The following MGAT4D variants were observed in gnomAD, a reference collection of about 807,000 sequenced individuals.
The protein encoded by MGAT4D is MGAT4 family member D, also known as alpha-1,3-mannosyl-glycoprotein 4-beta-N-acetylglucosaminyltransferase-like protein MGAT4D.
A neutral mutation model predicts 15.9 loss-of-function variants in MGAT4D; 34 were observed. The ratio of observed to expected loss-of-function variants is 2.14; its 90% CI spans 1.62 to 2.84. MGAT4D has a LOEUF of 2.84. Ranked by LOEUF, MGAT4D falls within the 30% of genes most tolerant of loss-of-function variation. The probability of loss-of-function intolerance (pLI) is 0.00; values close to 1 mark genes in which losing one functional copy is unlikely to be tolerated. For missense variants in MGAT4D, 327 were observed against 140.2 expected (o/e 2.33, Z -6.73); for synonymous variants, 112 against 48.2 (o/e 2.33, Z -5.49).
chr4:140,459,629 G>T lies in MGAT4D; in HGVS notation c.763-3C>A. 1 of 396,386 alleles carries T rather than the reference G, an allele frequency of 2.5e-6. No individual in the cohort carries two copies. Among genetic ancestry groups the T allele is most frequent in the Non-Finnish European group, 4.5e-6 (1 of 222,176 alleles). The allele number at this position is 396,386 out of a possible 1,614,324, so 24.6% of individuals were successfully genotyped here. On this transcript the variant is annotated splice_region_variant and splice_polypyrimidine_tract_variant and intron_variant, in intron 7 of 10. Coordinates refer to ENST00000511113, the MANE Select transcript of MGAT4D (RefSeq NM_001277353.2). ...TTAGCTATGATATCATCTTCTAGCTGAAAAAAAAAACCCAAAAAGACATTA... is the reference window on the plus strand; with the variant it reads ...TTAGCTATGATATCATCTTCTAGCTTAAAAAAAAAACCCAAAAAGACATTA...
At chr4:140,487,074 A>C (rs915176554) in intron 1 of MGAT4D, among the ~76,000 whole-genome samples, 2 of 152,228 alleles carry the variant, frequency 1.3e-5, no homozygotes, top group Non-Finnish European at 2.9e-5. Context: ...TTACAGCAAC[A>C]ATCATAAAGA....
intron 1 of MGAT4D, among the ~76,000 whole-genome samples, chr4:140,486,714 C>T (rs1276039778): frequency 2.0e-5 from 3 of 151,982 alleles, no homozygotes; most frequent in African/African-American, 7.3e-5. Flanking sequence ...AATATATGCT[C>T]GATGAATAAA....
At chr4:140,451,604 G>C in intron 9 of MGAT4D, 87 bp from the exon 10 acceptor site, 1 of 399,462 alleles carries the variant, frequency 2.5e-6, no homozygotes, top group East Asian at 3.7e-5. Context: ...TTATATATTA[G>C]TTTTTGCTAG....
rs148804226 is a variant in MGAT4D, at chr4:140,460,693, C to T, written c.763-1067G>A. 2.3e-3 allele frequency among the ~76,000 whole-genome samples: 344 copies of T among 152,212 alleles called. 3 individuals carry two copies. The highest frequency in any genetic ancestry group is 0.01 in the Middle Eastern group (3 of 294). The stretch of plus-strand genomic sequence containing the variant: ...TATATAAAAACTACAAAAAATTAGT[C>T]GGGTGTTGTGGTGTGCACCTGTAGT... On this transcript the variant is annotated intron_variant, in intron 7 of 10. Coordinates refer to ENST00000511113, the MANE Select transcript of MGAT4D (RefSeq NM_001277353.2).
chr4:140,455,495 G>T (rs940098709), intron 9 of MGAT4D, among the ~76,000 whole-genome samples: 1 of 152,124 alleles, frequency 6.6e-6, no homozygotes, highest in African/African-American at 2.4e-5. Flanking sequence ...TGGCTATTTT[G>T]GTGAATGTTG....
At chr4:140,482,884 G>A (rs1393283276) in intron 1 of MGAT4D, among the ~76,000 whole-genome samples, 2 of 151,944 alleles carry the variant, frequency 1.3e-5, no homozygotes, top group Non-Finnish European at 2.9e-5. Flanking sequence ...AAAATTATGA[G>A]GAATATGTAC....
chr4:140,496,362 G>A (rs1323099092), intron 1 of MGAT4D, among the ~76,000 whole-genome samples: 7 of 152,186 alleles, frequency 4.6e-5, no homozygotes, highest in Admixed American at 4.6e-4. Context: ...CTCAAGAACA[G>A]TATCTTGCTT....
chr4:140,477,960 G>T (rs974203015), intron 3 of MGAT4D, among the ~76,000 whole-genome samples: 26 of 152,286 alleles, frequency 1.7e-4, no homozygotes, highest in African/African-American at 5.8e-4. Context: ...AGATCTATTA[G>T]AATACAGAAT....
At chr4:140,472,500 T>G (rs1732033116) in intron 4 of MGAT4D, among the ~76,000 whole-genome samples, 1 of 150,290 alleles carries the variant, frequency 6.7e-6, no homozygotes, top group Non-Finnish European at 1.5e-5. Flanking sequence ...GTTCTGTTGT[T>G]GAATCTGAGT....
At chr4:140,484,099 C>G (rs955211633) in intron 1 of MGAT4D, among the ~76,000 whole-genome samples, 4 of 151,798 alleles carry the variant, frequency 2.6e-5, no homozygotes, top group Non-Finnish European at 4.4e-5. Flanking sequence ...TATTTCAACC[C>G]AAGAGACAAT....
intron 3 of MGAT4D, among the ~76,000 whole-genome samples, chr4:140,476,759 C>T (rs965213437): frequency 1.3e-5 from 2 of 152,072 alleles, no homozygotes; most frequent in Non-Finnish European, 2.9e-5. Flanking sequence ...TTTGATAATT[C>T]TACTTATTTC....
At chr4:140,490,491 C>T (rs1017766201) in intron 1 of MGAT4D, among the ~76,000 whole-genome samples, 3 of 152,180 alleles carry the variant, frequency 2.0e-5, no homozygotes, top group Non-Finnish European at 4.4e-5. Flanking sequence ...TTTGCCTCAA[C>T]ATACCTTACC....
intron 3 of MGAT4D, among the ~76,000 whole-genome samples, chr4:140,478,401 T>C (rs1732479491): frequency 6.6e-6 from 1 of 152,226 alleles, no homozygotes; most frequent in Non-Finnish European, 1.5e-5. Flanking sequence ...TTGTTTTTCT[T>C]GCGTGTGTCT....
intron 1 of MGAT4D, among the ~76,000 whole-genome samples, chr4:140,488,463 T>C (rs1443655514): frequency 2.6e-5 from 4 of 152,194 alleles, no homozygotes; most frequent in Non-Finnish European, 5.9e-5. Flanking sequence ...CTAATTATAA[T>C]ATATTGTTAA....
At chr4:140,485,810 TAAAAAAAAAAAAAAAAA>T (rs61131099) in intron 1 of MGAT4D, among the ~76,000 whole-genome samples, 461 of 13,022 alleles carry the variant, frequency 0.035, 14 homozygotes, top group Non-Finnish European at 0.051. Context: ...GACCCTGTCT[TAAAAAAAAAAAAAAAAA>T]AAAAAAAAAA....
intron 9 of MGAT4D, among the ~76,000 whole-genome samples, chr4:140,453,018 C>T (rs1005156160): frequency 1.3e-5 from 2 of 152,090 alleles, no homozygotes; most frequent in African/African-American, 2.4e-5. Context: ...ATTCTTTCTC[C>T]ATTGAATTGC....
intron 3 of MGAT4D, among the ~76,000 whole-genome samples, chr4:140,476,580 C>T (rs1732347498): frequency 6.6e-6 from 1 of 152,084 alleles, no homozygotes; most frequent in Non-Finnish European, 1.5e-5. Flanking sequence ...GCTTCCTATG[C>T]CTTACAATGC....
At chr4:140,448,929 C>A (rs1190601722) in intron 10 of MGAT4D, among the ~76,000 whole-genome samples, 1 of 152,180 alleles carries the variant, frequency 6.6e-6, no homozygotes, top group South Asian at 2.1e-4. Context: ...ACAACTACTA[C>A]AACAACAAAA....
chr4:140,482,488 G>A lies in MGAT4D; in HGVS notation c.95-3C>T. On this transcript the variant is annotated splice_polypyrimidine_tract_variant and splice_region_variant and intron_variant, in intron 1 of 10. Transcript: ENST00000511113. ...TCTACAGTTAATTAATTGATTATCT[G>A]CAATGAAAACATATGTATATATTTG... 1.6e-6 allele frequency: 1 copy of A among 623,200 alleles called. No homozygotes were observed. The highest frequency in any genetic ancestry group is 3.0e-4 in the Middle Eastern group (1 of 3,334). The allele number at this position is 623,200 out of a possible 1,614,324, so 38.6% of individuals were successfully genotyped here.
Sources: allele counts gnomAD v4.1 joint callset (sites outside exome capture counted in the v4.1 genomes callset), GRCh38; gene constraint gnomAD v4.1.1; transcripts MANE v1.5; gene names NCBI Gene and HGNC (gene_info 2026-07-23, HGNC 2026-07-21).